DYM: variants seen among roughly 807,000 people sequenced by gnomAD.
The protein encoded by DYM is dyggve-Melchior-Clausen syndrome protein.
In DYM, 78 loss-of-function variants were observed where a neutral mutation model predicts 93.1. That is an observed-to-expected ratio of 0.84 (90% CI 0.70 to 1.01). The LOEUF is 1.01. Among genes scored for constraint, DYM ranks in the 50% least tolerant of loss-of-function variants. The pLI is 0.00. For synonymous variants in DYM, 321 were observed against 319.7 expected, an observed-to-expected ratio of 1.00 and a Z score of -0.04; for missense variants, 789 against 845.0, an observed-to-expected ratio of 0.93 and a Z score of 0.82.
At chr18:49,303,974 T>C (rs1006809739) in intron 8 of DYM, among the ~76,000 whole-genome samples, 1 of 152,188 alleles carries the variant, frequency 6.6e-6, no homozygotes, top group African/African-American at 2.4e-5. Context: ...TGCACATACA[T>C]GCACACACAG....
intron 14 of DYM, among the ~76,000 whole-genome samples, chr18:49,195,782 A>T (rs1000489769): frequency 6.6e-6 from 1 of 152,210 alleles, no homozygotes; most frequent in African/African-American, 2.4e-5. Context: ...AAGCAATGCA[A>T]TTCCACAAAT....
At chr18:49,341,491 CAAAAAAAA>C (rs10578063) in intron 6 of DYM, among the ~76,000 whole-genome samples, 19 of 64,930 alleles carry the variant, frequency 2.9e-4, no homozygotes, top group South Asian at 1.5e-3. Context: ...GACTCCATCG[CAAAAAAAA>C]AAAAAAAAAA....
At chr18:49,149,533 A>T (rs1317215153) in intron 15 of DYM, among the ~76,000 whole-genome samples, 1 of 151,810 alleles carries the variant, frequency 6.6e-6, no homozygotes, top group African/African-American at 2.4e-5. Context: ...TCATTCATTC[A>T]CCTATGTATG....
chr18:49,444,810 A>T (rs2081965270), intron 1 of DYM, among the ~76,000 whole-genome samples: 1 of 152,220 alleles, frequency 6.6e-6, no homozygotes, highest in South Asian at 2.1e-4. Context: ...TCGTCCAAGC[A>T]ATGAATATGC....
chr18:49,255,542 G>A (rs1020249190), intron 13 of DYM, among the ~76,000 whole-genome samples: 24 of 151,448 alleles, frequency 1.6e-4, no homozygotes, highest in Admixed American at 2.6e-4. Flanking sequence ...GCGTGGTGGC[G>A]TGTGCCTGTA....
chr18:49,277,441 G>T (rs1024189696), intron 10 of DYM, among the ~76,000 whole-genome samples: 2 of 152,156 alleles, frequency 1.3e-5, no homozygotes, highest in Non-Finnish European at 2.9e-5. Flanking sequence ...TGATTGGAAA[G>T]CCAAGGTATA....
chr18:49,407,109 A>C (rs1266669440), intron 2 of DYM, among the ~76,000 whole-genome samples: 1 of 152,236 alleles, frequency 6.6e-6, no homozygotes, highest in Non-Finnish European at 1.5e-5. Context: ...AATGTTACGT[A>C]ATGTAAAATT....
intron 5 of DYM, among the ~76,000 whole-genome samples, chr18:49,371,110 G>T (rs1467188115): frequency 1.3e-5 from 2 of 152,184 alleles, no homozygotes; most frequent in Admixed American, 6.5e-5. Flanking sequence ...ATTAAGTCAA[G>T]AATTGCTGCA....
intron 13 of DYM, among the ~76,000 whole-genome samples, chr18:49,248,856 T>A (rs1041534050): frequency 6.6e-6 from 1 of 152,226 alleles, no homozygotes; most frequent in Admixed American, 6.5e-5. Flanking sequence ...CCACATACCA[T>A]GTATTGTAAT....
intron 11 of DYM, among the ~76,000 whole-genome samples, chr18:49,267,413 A>G (rs1435030933): frequency 1.3e-5 from 2 of 152,358 alleles, no homozygotes; most frequent in East Asian, 1.9e-4. Context: ...AATAATCACT[A>G]TAATTCTCAA....
chr18:49,185,731 C>A lies in DYM; in HGVS notation c.1626-21944G>T, dbSNP rs372190963. ...AGTATTTTGCGTGTACACATGGCCT[C>A]GTTTAATCCTGGCCTCAACCCAGAG... On this transcript the variant is annotated intron_variant, in intron 14 of 17. Transcript: ENST00000675505. Among the ~76,000 whole-genome samples the A allele has an allele frequency of 1.9e-4, 29 of 152,290 alleles. No homozygotes were observed. The East Asian group carries it at 3.3e-3, about 17-fold the overall frequency.
At chr18:49,309,635 TAAAAAAAAC>T (rs1568220255) in intron 8 of DYM, among the ~76,000 whole-genome samples, 1 of 151,854 alleles carries the variant, frequency 6.6e-6, no homozygotes, top group African/African-American at 2.4e-5. Flanking sequence ...ATCCTGTCTC[TAAAAAAAAC>T]AAATGTTTTT....
chr18:49,258,114 C>T (rs2094423583), intron 12 of DYM, among the ~76,000 whole-genome samples: 1 of 152,076 alleles, frequency 6.6e-6, no homozygotes, highest in Admixed American at 6.5e-5. Context: ...GTGTTACTGG[C>T]CAAATAAAGA....
At chr18:49,309,740 C>T (rs1249752348) in intron 8 of DYM, among the ~76,000 whole-genome samples, 2 of 152,082 alleles carry the variant, frequency 1.3e-5, no homozygotes, top group Non-Finnish European at 2.9e-5. Context: ...AATTTCCTGC[C>T]ATTGCAGGAG....
intron 8 of DYM, among the ~76,000 whole-genome samples, chr18:49,297,811 G>A (rs192154350): frequency 7.7e-4 from 116 of 151,622 alleles, no homozygotes; most frequent in African/African-American, 2.6e-3. Context: ...CAGTGTTGGT[G>A]TAATCAGAAA....
intron 1 of DYM, among the ~76,000 whole-genome samples, chr18:49,458,404 C>A (rs1204027073): frequency 1.3e-5 from 2 of 152,054 alleles, no homozygotes; most frequent in African/African-American, 4.8e-5. Context: ...CCACATTTTT[C>A]AGAGTCAAAC....
intron 8 of DYM, among the ~76,000 whole-genome samples, chr18:49,330,163 T>C (rs1463344636): frequency 6.6e-6 from 1 of 152,220 alleles, no homozygotes; most frequent in East Asian, 1.9e-4. Flanking sequence ...TCCATCTTGA[T>C]TTATACTTTT....
intron 13 of DYM, among the ~76,000 whole-genome samples, chr18:49,221,222 G>C (rs1319524764): frequency 1.3e-5 from 2 of 152,082 alleles, no homozygotes; most frequent in African/African-American, 4.8e-5. Context: ...TCTCACACCA[G>C]TTAGAATGGC....
intron 6 of DYM, among the ~76,000 whole-genome samples, chr18:49,350,158 A>G (rs2064982055): frequency 6.6e-6 from 1 of 152,212 alleles, no homozygotes; most frequent in African/African-American, 2.4e-5. Flanking sequence ...TCTAAAATAC[A>G]TATGATGGCT....
Sources: allele counts gnomAD v4.1 joint callset (sites outside exome capture counted in the v4.1 genomes callset), GRCh38; gene constraint gnomAD v4.1.1; transcripts MANE v1.5; gene names NCBI Gene and HGNC (gene_info 2026-07-23, HGNC 2026-07-21).